ITPR1: variants seen among roughly 807,000 people sequenced by gnomAD.
ITPR1 encodes inositol 1,4,5-trisphosphate-gated calcium channel ITPR1.
ITPR1 carries 96 observed loss-of-function variants against 318.4 expected under a neutral mutation model. The ratio of observed to expected loss-of-function variants is 0.30; its 90% CI spans 0.26 to 0.36. The LOEUF (loss-of-function observed/expected upper bound fraction) is 0.36, where lower values mean the gene tolerates loss of function less well. Ranked by LOEUF, ITPR1 falls within the 10% of genes least tolerant of loss-of-function variation. ITPR1 has a pLI of 1.00. For missense variants in ITPR1, 2,440 were observed against 3,460.2 expected, an observed-to-expected ratio of 0.71 and a Z score of 7.40; for synonymous variants, 1,312 against 1,289.9, an observed-to-expected ratio of 1.02 and a Z score of -0.37.
chr3:4,708,523 A>G (rs1215000331), intron 37 of ITPR1, among the ~76,000 whole-genome samples: 2 of 152,156 alleles, frequency 1.3e-5, no homozygotes, highest in African/African-American at 4.8e-5. Flanking sequence ...GTGCTTCCTG[A>G]TCCCACTATG....
At chr3:4,726,656 C>G (rs1313265144) in intron 41 of ITPR1, among the ~76,000 whole-genome samples, 1 of 152,138 alleles carries the variant, frequency 6.6e-6, no homozygotes, top group Non-Finnish European at 1.5e-5. Context: ...GGTTTTGTTA[C>G]AAGACTTGTG....
chr3:4,771,592 A>G (rs765469302), intron 46 of ITPR1, among the ~76,000 whole-genome samples: 1 of 152,230 alleles, frequency 6.6e-6, no homozygotes. Context: ...AGCTTTCTGC[A>G]GAATTCTCCG....
intron 4 of ITPR1, among the ~76,000 whole-genome samples, chr3:4,572,237 T>C (rs1341189811): frequency 4.6e-5 from 7 of 152,192 alleles, no homozygotes; most frequent in Non-Finnish European, 1.0e-4. Context: ...ACATGTCCAT[T>C]TGGATGTATC....
chr3:4,737,897 C>T (rs1056329767), intron 44 of ITPR1, among the ~76,000 whole-genome samples: 8 of 152,286 alleles, frequency 5.3e-5, no homozygotes, highest in South Asian at 2.1e-4. Context: ...ACTCCGTGAT[C>T]GTATCCTTTG....
chr3:4,542,860 C>G (rs567890154), intron 4 of ITPR1, among the ~76,000 whole-genome samples: 1 of 152,306 alleles, frequency 6.6e-6, no homozygotes, highest in South Asian at 2.1e-4. Flanking sequence ...GGTCTTGTTT[C>G]CACTTCATTG....
chr3:4,585,011 A>T (rs1036807078), intron 4 of ITPR1, among the ~76,000 whole-genome samples: 3 of 152,174 alleles, frequency 2.0e-5, no homozygotes, highest in Non-Finnish European at 2.9e-5. Flanking sequence ...GTCAGAGTGT[A>T]TTACTGGTCT....
chr3:4,677,337 A>G (rs1399227919), intron 24 of ITPR1, among the ~76,000 whole-genome samples: 2 of 152,208 alleles, frequency 1.3e-5, no homozygotes, highest in Admixed American at 6.5e-5. Flanking sequence ...ATTAAGAATA[A>G]GTGCTAAGAG....
At chr3:4,496,338 T>C (rs2080567559) in intron 2 of ITPR1, among the ~76,000 whole-genome samples, 1 of 152,154 alleles carries the variant, frequency 6.6e-6, no homozygotes, top group Non-Finnish European at 1.5e-5. Flanking sequence ...TGTGTGTGTA[T>C]GCATATGTAC....
intron 4 of ITPR1, among the ~76,000 whole-genome samples, chr3:4,536,413 A>G (rs2083879832): frequency 1.3e-5 from 2 of 152,234 alleles, no homozygotes; most frequent in Admixed American, 1.3e-4. Flanking sequence ...TGGCATCTCA[A>G]CTATTGCAAT....
At position 4,690,779 on chromosome 3, in the gene ITPR1, G is replaced by C. The variant is rs1007624306; in HGVS notation, c.3829-365G>C. On this transcript the variant is annotated intron_variant, in intron 31 of 61. Coordinates refer to ENST00000649015, the MANE Select transcript of ITPR1 (RefSeq NM_001378452.1). The stretch of plus-strand genomic sequence containing the variant: ...AACTTACATATCAGTGAAAAAGAGT[G>C]CAAGAGGTTTAAGAACAGGCAAAAC... Among the ~76,000 whole-genome samples the C allele has an allele frequency of 3.3e-5, 5 of 152,306 alleles. No homozygotes were observed. The South Asian group carries it at 8.3e-4, about 25-fold the overall frequency.
chr3:4,634,708 CT>C (rs2093126172), intron 5 of ITPR1, among the ~76,000 whole-genome samples: 1 of 152,184 alleles, frequency 6.6e-6, no homozygotes, highest in African/African-American at 2.4e-5. Context: ...CTCCTACCCC[CT>C]ATTCTGTTCC....
At chr3:4,805,489 G>C (rs2106477256) in intron 54 of ITPR1, among the ~76,000 whole-genome samples, 1 of 152,268 alleles carries the variant, frequency 6.6e-6, no homozygotes, top group South Asian at 2.1e-4. Flanking sequence ...CTCAAAGACT[G>C]CTACTCAGAG....
intron 4 of ITPR1, among the ~76,000 whole-genome samples, chr3:4,620,532 C>G (rs1222230784): frequency 1.3e-5 from 2 of 152,140 alleles, no homozygotes; most frequent in Non-Finnish European, 2.9e-5. Context: ...TCATGGTACC[C>G]TGTGCAGAAA....
At chr3:4,716,570 A>G (rs1383246153) in intron 39 of ITPR1, among the ~76,000 whole-genome samples, 2 of 152,224 alleles carry the variant, frequency 1.3e-5, no homozygotes, top group Non-Finnish European at 2.9e-5. Flanking sequence ...TCAGTCTCCT[A>G]TTAATTACCA....
At chr3:4,723,161 C>T (rs1462722899) in intron 40 of ITPR1, among the ~76,000 whole-genome samples, 1 of 152,116 alleles carries the variant, frequency 6.6e-6, no homozygotes, top group African/African-American at 2.4e-5. Context: ...AACAGACAGA[C>T]ACACAAAAAA....
At chr3:4,497,494 CAAGT>C (rs1053213023) in intron 2 of ITPR1, among the ~76,000 whole-genome samples, 25 of 152,120 alleles carry the variant, frequency 1.6e-4, no homozygotes, top group African/African-American at 4.8e-4. Context: ...TATAAATAAA[CAAGT>C]AAGTATTATA....
chr3:4,621,462 C>G (rs538170426), intron 4 of ITPR1, among the ~76,000 whole-genome samples: 1 of 152,294 alleles, frequency 6.6e-6, no homozygotes, highest in South Asian at 2.1e-4. Flanking sequence ...CAGTCACTTC[C>G]CTCCAGGCCC....
At position 4,792,003 on chromosome 3, in the gene ITPR1, G is replaced by A. The variant is rs542348040; in HGVS notation, c.6809-3062G>A. 3.9e-5 allele frequency among the ~76,000 whole-genome samples: 6 copies of A among 152,294 alleles called. No homozygotes were observed. The South Asian group carries it at 1.2e-3, about 32-fold the overall frequency. ...AGATTCTCGCTGGGCTAATACCAAC[G>A]TGTTGATAGGGCTGTGTTCCTTCTG... is the stretch of plus-strand genomic sequence containing the variant. On this transcript the variant is annotated intron_variant, in intron 52 of 61. Coordinates refer to ENST00000649015, the MANE Select transcript of ITPR1 (RefSeq NM_001378452.1).
intron 61 of ITPR1, among the ~76,000 whole-genome samples, chr3:4,844,150 G>C (rs1361250802): frequency 1.5e-5 from 2 of 129,972 alleles, no homozygotes; most frequent in East Asian, 4.6e-4. Flanking sequence ...TCCAAGACAA[G>C]ATCTCAGTTG....
Sources: allele counts gnomAD v4.1 joint callset (sites outside exome capture counted in the v4.1 genomes callset), GRCh38; gene constraint gnomAD v4.1.1; transcripts MANE v1.5; gene names NCBI Gene and HGNC (gene_info 2026-07-23, HGNC 2026-07-21).